Variants in PNOC observed in about 807,000 individuals in gnomAD.
PNOC encodes prepronociceptin.
PNOC carries 10 observed loss-of-function variants against 15.6 expected under a neutral mutation model. The observed-to-expected ratio is 0.64, with a 90% CI of 0.40 to 1.09. The LOEUF (loss-of-function observed/expected upper bound fraction) is 1.09, where lower values mean the gene tolerates loss of function less well. PNOC is among the 50% of genes least tolerant of loss of function. PNOC has a pLI of 0.01. For synonymous variants in PNOC, 98 were observed against 88.5 expected (o/e 1.11, Z -0.60); for missense variants, 220 against 223.9 (o/e 0.98, Z 0.11).
chr8:28,338,575 C>A, intron 2 of PNOC: 2 of 986,834 alleles, frequency 2.0e-6, no homozygotes, highest in South Asian at 9.4e-5. Context: ...TTAAAATAAA[C>A]CTGCAGATTT....
chr8:28,336,768 G>A (rs528344174), intron 2 of PNOC, among the ~76,000 whole-genome samples: 2 of 152,110 alleles, frequency 1.3e-5, no homozygotes, highest in East Asian at 3.9e-4. Flanking sequence ...GACCAGAGAT[G>A]CGGAGATCAG....
chr8:28,343,111 C>A lies in PNOC; in HGVS notation c.*217C>A. On this transcript the variant is annotated 3_prime_UTR_variant, in exon 4 of 4. Coordinates refer to ENST00000301908, the MANE Select transcript of PNOC (RefSeq NM_006228.5). The stretch of plus-strand genomic sequence containing the variant: ...TCCCCAGCCCCCTGGCATGTTTCAC[C>A]ACAACCCTGTTGCTACATCAGAGTG... 1 of 432,410 alleles carries A rather than the reference C, an allele frequency of 2.3e-6. No individual in the cohort carries two copies. The highest frequency in any genetic ancestry group is 3.1e-6 in the Non-Finnish European group (1 of 323,560). 26.8% of individuals were successfully genotyped at this position (432,410 alleles called of 1,614,324 possible).
At chr8:28,342,218 T>C (rs1171456959) in intron 3 of PNOC, among the ~76,000 whole-genome samples, 1 of 151,892 alleles carries the variant, frequency 6.6e-6, no homozygotes, top group African/African-American at 2.4e-5. Context: ...CCGGGCGTTG[T>C]GGTGGGTGCC....
chr8:28,320,092 CTTTTTTTTTTTT>C (rs34876964), intron 1 of PNOC, among the ~76,000 whole-genome samples: 27 of 29,726 alleles, frequency 9.1e-4, no homozygotes, highest in South Asian at 1.9e-3. Context: ...TTCTTTCTTT[CTTTTTTTTTTTT>C]TTTTTTTTTT....
At chr8:28,335,596 C>T (rs1400797758) in intron 2 of PNOC, among the ~76,000 whole-genome samples, 2 of 152,126 alleles carry the variant, frequency 1.3e-5, no homozygotes, top group African/African-American at 4.8e-5. Flanking sequence ...GGTACAGTCT[C>T]GGTTCACCAC....
chr8:28,327,030 T>A (rs187524411), intron 1 of PNOC, among the ~76,000 whole-genome samples: 2 of 152,302 alleles, frequency 1.3e-5, no homozygotes, highest in East Asian at 3.9e-4. Context: ...ATAAAGGCAG[T>A]CATTTTTGGT....
chr8:28,319,352 A>C (rs879875247), intron 1 of PNOC, among the ~76,000 whole-genome samples: 1 of 152,126 alleles, frequency 6.6e-6, no homozygotes, highest in Admixed American at 6.5e-5. Context: ...GGCAGGGTGT[A>C]ATTCAGTCCT....
Position 28,339,187 on chromosome 8 carries a change from A to G in PNOC, c.274A>G (p.Met92Val). 6.2e-7 allele frequency: 1 copy of G among 1,613,526 alleles called. No homozygotes were observed. Among genetic ancestry groups the G allele is most frequent in the Non-Finnish European group, 8.5e-7 (1 of 1,179,464 alleles). The change falls in exon 3 of 4, where the codon ATG (methionine) becomes GTG (valine). Residue 92 changes from methionine to valine, a missense_variant. Met to Val is a conservative substitution (Grantham distance 21, BLOSUM62 1). Coordinates refer to ENST00000301908, the MANE Select transcript of PNOC (RefSeq NM_006228.5). Reference protein sequence around the residue: ...AALYQPRASEMQHLRRMPRVR... With the variant: ...AALYQPRASEVQHLRRMPRVR... ...TCTCTACCAGCCGAGAGCTTCGGAG[A>G]TGCAGCATCTGCGGCGAATGCCCCG...
chr8:28,329,956 A>AT (rs527385260), intron 2 of PNOC, among the ~76,000 whole-genome samples: 2 of 151,648 alleles, frequency 1.3e-5, no homozygotes, highest in South Asian at 2.1e-4. Flanking sequence ...TTATTTATTC[A>AT]TTTTTTTTGA....
chr8:28,328,986 C>A, intron 1 of PNOC, 149 bp from the exon 2 acceptor site: 2 of 726,026 alleles, frequency 2.8e-6, no homozygotes, highest in Non-Finnish European at 2.3e-6. Flanking sequence ...ACAATTTACA[C>A]CCCTGCAAAG....
intron 1 of PNOC, among the ~76,000 whole-genome samples, chr8:28,325,585 G>C (rs1370474196): frequency 6.7e-6 from 1 of 149,108 alleles, no homozygotes; most frequent in African/African-American, 2.5e-5. Context: ...TTAAGAGGCG[G>C]AGTTTGCAGT....
chr8:28,328,082 T>TC (rs1278354892), intron 1 of PNOC, among the ~76,000 whole-genome samples: 2 of 142,114 alleles, frequency 1.4e-5, no homozygotes, highest in African/African-American at 5.3e-5. Flanking sequence ...TTTTTTTTTT[T>TC]TTTGAGACAG....
chr8:28,329,077 C>T lies in PNOC; in HGVS notation c.-23-58C>T, dbSNP rs531062491. The stretch of plus-strand genomic sequence containing the variant: ...TGCATTCTCTGGGTTAGGTCTCTGG[C>T]CCTGAGCAGCCCTCCGAGAATGGCT... On this transcript the variant is annotated intron_variant, in intron 1 of 3. Transcript: ENST00000301908. 156 of 1,558,142 alleles carry T rather than the reference C, an allele frequency of 1.0e-4. 1 individual carries two copies. The African/African-American group carries it at 1.9e-3, about 19-fold the overall frequency.
intron 3 of PNOC, 165 bp downstream of exon 3, chr8:28,339,656 T>A: frequency 2.0e-6 from 1 of 489,920 alleles, no homozygotes; most frequent in Non-Finnish European, 3.4e-6. Flanking sequence ...GGCAGCAGAT[T>A]TTCCTATGAT....
At chr8:28,342,251 G>A (rs1801532804) in intron 3 of PNOC, among the ~76,000 whole-genome samples, 1 of 151,314 alleles carries the variant, frequency 6.6e-6, no homozygotes, top group Non-Finnish European at 1.5e-5. Context: ...TACTTGGGAG[G>A]CTGAGGCAGG....
intron 1 of PNOC, among the ~76,000 whole-genome samples, chr8:28,318,417 A>G (rs921694757): frequency 2.0e-5 from 3 of 152,368 alleles, no homozygotes; most frequent in Admixed American, 2.0e-4. Flanking sequence ...AGACTAACAA[A>G]AGATGAGCTT....
intron 1 of PNOC, among the ~76,000 whole-genome samples, chr8:28,317,880 T>C (rs1431676028): frequency 6.6e-6 from 1 of 152,074 alleles, no homozygotes; most frequent in Non-Finnish European, 1.5e-5. Context: ...TTGCTACAAA[T>C]AATGGGGAAG....
chr8:28,318,974 TTCAA>T (rs1221049204), intron 1 of PNOC, among the ~76,000 whole-genome samples: 3 of 152,220 alleles, frequency 2.0e-5, no homozygotes, highest in African/African-American at 7.2e-5. Flanking sequence ...CTATCCTGTA[TTCAA>T]TCAATCAGGT....
rs796269575 is a variant in PNOC at position 28,330,399 on chromosome 8, T to TTATTTTATTTA, written c.126+1117_126+1118insATTTTATTTAT. Among the ~76,000 whole-genome samples the TTATTTTATTTA allele has an allele frequency of 3.8e-5, 4 of 104,140 alleles. No homozygotes were observed. The East Asian group carries it at 6.7e-4, about 18-fold the overall frequency. The allele number at this position is 104,140 out of a possible 152,430, so 68.3% of individuals were successfully genotyped here. ...TTATTTTATTTTATTTTATTTTATT[T>TTATTTTATTTA]TTTTTTTTTTTTTGAGACGGAGTCT... On this transcript the variant is annotated intron_variant, in intron 2 of 3. Transcript: ENST00000301908.
Sources: gnomAD v4.1 joint callset for allele counts (sites outside exome capture counted in the v4.1 genomes callset) on GRCh38, gnomAD v4.1.1 for gene constraint, MANE v1.5 for transcripts, NCBI Gene and HGNC (gene_info 2026-07-23, HGNC 2026-07-21) for gene names.